BANP: variants seen among roughly 807,000 people sequenced by gnomAD.
BANP encodes BTG3 associated nuclear protein.
BANP carries 11 observed loss-of-function variants against 68.1 expected under a neutral mutation model. The observed-to-expected ratio is 0.16, with a 90% CI of 0.10 to 0.27. The LOEUF is 0.27. Among genes scored for constraint, BANP ranks in the 10% least tolerant of loss-of-function variants. The pLI is 1.00. For synonymous variants in BANP, 329 were observed against 303.2 expected, an observed-to-expected ratio of 1.09 and a Z score of -0.88; for missense variants, 504 against 722.7, an observed-to-expected ratio of 0.70 and a Z score of 3.47.
intron 8 of BANP, among the ~76,000 whole-genome samples, chr16:88,029,914 G>A (rs2077788599): frequency 6.6e-6 from 1 of 152,204 alleles, no homozygotes; most frequent in Admixed American, 6.5e-5. Flanking sequence ...GGGTTACACG[G>A]GGGCCTTCTT....
chr16:88,035,418 C>G, intron 10 of BANP, 24 bp downstream of exon 10: 1 of 1,588,776 alleles, frequency 6.3e-7, no homozygotes, highest in East Asian at 2.3e-5. Context: ...CGCTGCAGCA[C>G]TGTCCCTGCA....
chr16:88,032,155 A>G (rs1180282259), intron 8 of BANP, among the ~76,000 whole-genome samples: 1 of 149,522 alleles, frequency 6.7e-6, no homozygotes, highest in Non-Finnish European at 1.5e-5. Flanking sequence ...TTCTCCTTTC[A>G]TTCATATCAA....
chr16:87,960,578 G>T (rs7185208), intron 1 of BANP, among the ~76,000 whole-genome samples: 1,716 of 152,274 alleles, frequency 0.011, 28 homozygotes, highest in African/African-American at 0.036. Flanking sequence ...AGTTTCTCCC[G>T]TTGCTAACAA....
chr16:88,020,537 A>T (rs549051168), intron 7 of BANP, among the ~76,000 whole-genome samples: 1 of 152,350 alleles, frequency 6.6e-6, no homozygotes, highest in East Asian at 1.9e-4. Context: ...AACGTCTGCA[A>T]CCTGAGAGGT....
At position 88,033,170 on chromosome 16, in the gene BANP, G is replaced by A; in HGVS notation, c.1125G>A (p.Gln375=). The A allele has an allele frequency of 6.2e-7, 1 of 1,611,782 alleles. No individual in the cohort carries two copies. Among genetic ancestry groups the A allele is most frequent in the Non-Finnish European group, 8.5e-7 (1 of 1,178,240 alleles). ...TCCCGCAGCCACAGCCGCAGCCGCA[G>A]GCCCTGCACTACGCGCTGGCCAACG... ...SELPQPQPQP[Q]ALHYALANAQ... The change falls in exon 9 of 14, where the codon CAG becomes CAA. Residue 375 remains glutamine, a synonymous_variant. Transcript: ENST00000682872.
intron 1 of BANP, among the ~76,000 whole-genome samples, chr16:87,958,780 C>T (rs1220329363): frequency 6.6e-6 from 1 of 152,212 alleles, no homozygotes; most frequent in Non-Finnish European, 1.5e-5. Flanking sequence ...GGCTTCTCAT[C>T]CAAGTTGATT....
rs7204213 is a variant in BANP, at chr16:87,961,414, C to T, written c.-69+9899C>T. Among the ~76,000 whole-genome samples the T allele has an allele frequency of 1.1e-4, 15 of 142,380 alleles. No homozygotes were observed. The East Asian group carries it at 2.7e-3, about 26-fold the overall frequency. 93.4% of individuals were successfully genotyped at this position (142,380 alleles called of 152,430 possible). A position where few individuals can be genotyped will look rare whatever the true frequency, so the allele number is the denominator to read the frequency against. On this transcript the variant is annotated intron_variant, in intron 1 of 13. Coordinates refer to ENST00000682872, the MANE Select transcript of BANP (RefSeq NM_001386991.1). ...CCTGGACTCACAGAATCTGCACCCC[C>T]CCGGGCCTCCCAAAGTGCTGGGATT...
Position 88,052,358 on chromosome 16 carries a change from C to CT in BANP, c.1312-12909_1312-12908insT, listed in dbSNP as rs2083453741. On this transcript the variant is annotated intron_variant, in intron 11 of 13. Transcript: ENST00000682872. ...AGAGACTTGCTTTCTCCTATGTCTT[C>CT]ACCTGTCTTGCATTTCTGAAGAGAA... is the stretch of plus-strand genomic sequence containing the variant. 5.9e-5 allele frequency among the ~76,000 whole-genome samples: 9 copies of CT among 152,258 alleles called. No individual in the cohort carries two copies. The South Asian group carries it at 1.9e-3, about 32-fold the overall frequency.
chr16:88,038,305 C>T (rs969934531), intron 11 of BANP, among the ~76,000 whole-genome samples: 4 of 151,960 alleles, frequency 2.6e-5, no homozygotes, highest in Non-Finnish European at 5.9e-5. Context: ...CGGGAGGGAG[C>T]GAGGGTGCAA....
intron 1 of BANP, among the ~76,000 whole-genome samples, chr16:87,967,456 G>A (rs1038857562): frequency 6.6e-6 from 1 of 151,348 alleles, no homozygotes. Flanking sequence ...TTGTTTTTTG[G>A]TTTTTGATTT....
chr16:87,962,592 A>G (rs2059385967), intron 1 of BANP, among the ~76,000 whole-genome samples: 2 of 152,170 alleles, frequency 1.3e-5, no homozygotes, highest in Admixed American at 6.5e-5. Flanking sequence ...GAAATTATGC[A>G]TGCTAATATA....
chr16:88,044,548 A>C (rs1216127332), intron 11 of BANP, among the ~76,000 whole-genome samples: 1 of 152,158 alleles, frequency 6.6e-6, no homozygotes, highest in East Asian at 1.9e-4. Flanking sequence ...TGATTTTGCA[A>C]CCCACACTTT....
chr16:88,033,267 C>T (rs1041994895), intron 9 of BANP, 22 bp downstream of exon 9: 9 of 1,535,964 alleles, frequency 5.9e-6, no homozygotes, highest in Non-Finnish European at 8.0e-6. Context: ...CTCCACCTCA[C>T]ACCTTGGGAA....
At chr16:88,038,287 G>T (rs1043836889) in intron 11 of BANP, among the ~76,000 whole-genome samples, 3 of 152,200 alleles carry the variant, frequency 2.0e-5, no homozygotes, top group African/African-American at 7.2e-5. Flanking sequence ...AAGGAATGGG[G>T]GCTCTCGCGG....
At chr16:88,017,900 C>T (rs2074961924) in intron 6 of BANP, among the ~76,000 whole-genome samples, 1 of 152,210 alleles carries the variant, frequency 6.6e-6, no homozygotes, top group African/African-American at 2.4e-5. Flanking sequence ...CATGCTGTGA[C>T]TTACACTGTG....
chr16:88,073,510 G>A (rs1380889834), intron 13 of BANP, among the ~76,000 whole-genome samples: 1 of 152,202 alleles, frequency 6.6e-6, no homozygotes, highest in Non-Finnish European at 1.5e-5. Context: ...TGCGCTGGAA[G>A]CACGGTGAGG....
chr16:88,019,520 G>C (rs1294739420), intron 7 of BANP, among the ~76,000 whole-genome samples: 1 of 146,796 alleles, frequency 6.8e-6, no homozygotes, highest in Non-Finnish European at 1.5e-5. Context: ...AGCATTCAGC[G>C]TCCAGGATCT....
rs1010376641 is a variant in BANP at position 88,036,431 on chromosome 16, C to G, written c.1272+1037C>G. ...GCAGAGGAGAGAGAAGCCCTGCCAT[C>G]GGGGACTCACAGCGGGCGCAGAGCC... On this transcript the variant is annotated intron_variant, in intron 10 of 13. Coordinates refer to ENST00000682872, the MANE Select transcript of BANP (RefSeq NM_001386991.1). The surrounding 1 kb of genome is among the most constrained non-coding windows in gnomAD (Gnocchi z 4.2). Among the ~76,000 whole-genome samples, 1 of 152,118 alleles carries G rather than the reference C, an allele frequency of 6.6e-6. No homozygotes were observed. Among genetic ancestry groups the G allele is most frequent in the South Asian group, 2.1e-4 (1 of 4,820 alleles).
rs771702141 is a variant in BANP at position 88,018,991 on chromosome 16, C to T, written c.895+324C>T. Among the ~76,000 whole-genome samples the T allele has an allele frequency of 6.6e-6, 1 of 151,478 alleles. No homozygotes were observed. The highest frequency in any genetic ancestry group is 6.6e-5 in the Admixed American group (1 of 15,174). Reference sequence around the variant, plus strand: ...GAGGAAGAGAGAGGAGGAGGAGAGCCGGGGCCTTCCCTGCTGTCCTGGCCA... The same window carrying T: ...GAGGAAGAGAGAGGAGGAGGAGAGCTGGGGCCTTCCCTGCTGTCCTGGCCA... On this transcript the variant is annotated intron_variant, in intron 7 of 13. Transcript: ENST00000682872. This position sits in a 1 kb window ranked among gnomAD's most constrained non-coding sequence, Gnocchi z 7.7.
Sources: allele counts gnomAD v4.1 joint callset (sites outside exome capture counted in the v4.1 genomes callset), GRCh38; gene constraint gnomAD v4.1.1; non-coding constraint Gnocchi (gnomAD v3.1); transcripts MANE v1.5; gene names NCBI Gene and HGNC (gene_info 2026-07-23, HGNC 2026-07-21).